The following ITGB3 variants were observed in gnomAD, a reference collection of about 807,000 sequenced individuals.
ITGB3 encodes the protein integrin beta-3.
A neutral mutation model predicts 85.8 loss-of-function variants in ITGB3; 48 were observed. That is an observed-to-expected ratio of 0.56 (90% CI 0.44 to 0.71). The LOEUF (loss-of-function observed/expected upper bound fraction) is 0.71, where lower values mean the gene tolerates loss of function less well. ITGB3 is among the 30% of genes least tolerant of loss of function. The probability of loss-of-function intolerance (pLI) is 0.00; values close to 1 mark genes in which losing one functional copy is unlikely to be tolerated. For missense variants in ITGB3, 861 were observed against 1,019.1 expected, an observed-to-expected ratio of 0.84 and a Z score of 2.11; for synonymous variants, 363 against 395.6, an observed-to-expected ratio of 0.92 and a Z score of 0.98.
At chr17:47,292,605 A>G in intron 10 of ITGB3, 37 bp downstream of exon 10, 1 of 1,595,252 alleles carries the variant, frequency 6.3e-7, no homozygotes, top group East Asian at 2.2e-5. Context: ...CCTGGAACCC[A>G]CACCCCCTCA....
chr17:47,289,824 G>T (rs372426664), intron 7 of ITGB3, 48 bp downstream of exon 7: 319 of 1,304,322 alleles, frequency 2.4e-4, no homozygotes, highest in Non-Finnish European at 3.4e-4. Flanking sequence ...GATGGTGGGT[G>T]CCCCAGGTAG....
In ITGB3 at chr17:47,284,980, C is replaced by T. The variant is rs77403156; in HGVS notation, c.614+285C>T. The stretch of plus-strand genomic sequence containing the variant: ...GCAAGAGAGAATGGGAGGGAAATGA[C>T]GTCAAAAGTAGAAAGAAATTTATGG... On this transcript the variant is annotated intron_variant, in intron 4 of 14. Transcript: ENST00000559488. Among the ~76,000 whole-genome samples, 6,824 of 152,076 alleles carry T rather than the reference C, an allele frequency of 0.045. 207 individuals carry two copies. Among genetic ancestry groups the T allele is most frequent in the Middle Eastern group, 0.16 (46 of 294 alleles).
At chr17:47,306,159 T>A (rs951556458) in intron 13 of ITGB3, among the ~76,000 whole-genome samples, 9 of 151,240 alleles carry the variant, frequency 6.0e-5, no homozygotes, top group African/African-American at 2.2e-4. Context: ...GAAGGGAGAG[T>A]GGTGGGGATT....
chr17:47,301,154 A>G (rs1487267919), intron 12 of ITGB3, among the ~76,000 whole-genome samples: 1 of 152,164 alleles, frequency 6.6e-6, no homozygotes, highest in Non-Finnish European at 1.5e-5. Context: ...GAGAAAAAAA[A>G]TCTTGCCTGC....
chr17:47,274,519 C>T lies in ITGB3; in HGVS notation c.165+15C>T. The T allele has an allele frequency of 6.2e-7, 1 of 1,609,618 alleles. No individual in the cohort carries two copies. Among genetic ancestry groups the T allele is most frequent in the Non-Finnish European group, 8.5e-7 (1 of 1,176,316 alleles). ...GCTCTGATGAGGTAAGGAGCAGATA[C>T]CAGACCTTGTTTCTTCTCCAGACTA... On this transcript the variant is annotated intron_variant, in intron 2 of 14. Transcript: ENST00000559488.
chr17:47,302,432 G>T (rs1009758894), intron 12 of ITGB3, among the ~76,000 whole-genome samples: 1 of 152,176 alleles, frequency 6.6e-6, no homozygotes, highest in Non-Finnish European at 1.5e-5. Context: ...ACAACGGGTA[G>T]GTAGTGAAGC....
intron 14 of ITGB3, among the ~76,000 whole-genome samples, chr17:47,308,184 T>TAATAATAATAATAATAATAA (rs151170176): frequency 5.7e-4 from 84 of 148,656 alleles, no homozygotes; most frequent in African/African-American, 2.0e-3. Flanking sequence ...ATAATAATAA[T>TAATAATAATAATAATAATAA]AATAAAATAA....
At chr17:47,305,084 G>A (rs1472409670) in intron 13 of ITGB3, among the ~76,000 whole-genome samples, 1 of 152,168 alleles carries the variant, frequency 6.6e-6, no homozygotes, top group Non-Finnish European at 1.5e-5. Flanking sequence ...ATGGTTAACA[G>A]ATTGTTTTCC....
chr17:47,282,829 A>G (rs1465784331), intron 2 of ITGB3, among the ~76,000 whole-genome samples: 1 of 152,244 alleles, frequency 6.6e-6, no homozygotes. Flanking sequence ...CCAACAATAT[A>G]AGAATTTCAC....
rs780569847 is a variant in ITGB3, at chr17:47,284,595, A to G, written c.514A>G (p.Thr172Ala). 7.4e-6 allele frequency: 12 copies of G among 1,613,658 alleles called. No individual in the cohort carries two copies. The highest frequency in any genetic ancestry group is 1.0e-5 in the Non-Finnish European group (12 of 1,179,600). Residue 172 changes from threonine to alanine, a missense_variant, in exon 4 of 15, where the codon ACC becomes GCC. Coordinates refer to ENST00000559488, the MANE Select transcript of ITGB3 (RefSeq NM_000212.3). ...GCTGGCCACCCAGATGCGAAAGCTC[A>G]CCAGTAACCTGCGGATTGGCTTCGG... ...TKLATQMRKL[T>A]SNLRIGFGAF...
At chr17:47,301,146 G>C (rs569586535) in intron 12 of ITGB3, among the ~76,000 whole-genome samples, 16 of 152,008 alleles carry the variant, frequency 1.1e-4, no homozygotes, top group Admixed American at 3.3e-4. Flanking sequence ...ACAATAGGGA[G>C]AAAAAAAATC....
Position 47,283,569 on chromosome 17 carries a change from C to A in ITGB3, c.361+20C>A, listed in dbSNP as rs375144715. ...GGCCAGGTAGGGCTGGGACTCTTTGCGGGGAGAGACCTGAAGCAGGTGGGC... is the reference window on the plus strand; with the variant it reads ...GGCCAGGTAGGGCTGGGACTCTTTGAGGGGAGAGACCTGAAGCAGGTGGGC... On this transcript the variant is annotated intron_variant, in intron 3 of 14. Coordinates refer to ENST00000559488, the MANE Select transcript of ITGB3 (RefSeq NM_000212.3). 1.2e-6 allele frequency: 2 copies of A among 1,612,302 alleles called. No individual in the cohort carries two copies. The highest frequency in any genetic ancestry group is 1.7e-6 in the Non-Finnish European group (2 of 1,178,618).
At chr17:47,295,794 G>C (rs950834212) in intron 10 of ITGB3, among the ~76,000 whole-genome samples, 1 of 152,100 alleles carries the variant, frequency 6.6e-6, no homozygotes, top group Admixed American at 6.5e-5. Context: ...GGGCAGCTCT[G>C]CTGGCTGGCG....
intron 13 of ITGB3, among the ~76,000 whole-genome samples, chr17:47,307,269 C>G (rs898557132): frequency 2.0e-5 from 3 of 152,182 alleles, no homozygotes; most frequent in Admixed American, 1.3e-4. Flanking sequence ...TAGGGGTTAC[C>G]AGGTCTAGAC....
chr17:47,284,619 G>A lies in ITGB3; in HGVS notation c.538G>A (p.Gly180Arg), dbSNP rs569479486. 4.3e-6 allele frequency: 7 copies of A among 1,613,996 alleles called. No individual in the cohort carries two copies. The highest frequency in any genetic ancestry group is 1.1e-5 in the South Asian group (1 of 91,046). Residue 180 changes from glycine to arginine, a missense_variant, in exon 4 of 15, where the codon GGG (glycine) becomes AGG (arginine). Physicochemically the swap from Gly to Arg is moderately radical, Grantham distance 125. Transcript: ENST00000559488. ...CACCAGTAACCTGCGGATTGGCTTC[G>A]GGGCATTTGTGGACAAGCCTGTGTC... ...KLTSNLRIGF[G>R]AFVDKPVSPY...
chr17:47,308,946 TCCCTCCCCTC>T (rs1333716917), intron 14 of ITGB3, among the ~76,000 whole-genome samples: 1 of 138,740 alleles, frequency 7.2e-6, no homozygotes, highest in Non-Finnish European at 1.6e-5. Context: ...CCTCTCCCAT[TCCCTCCCCTC>T]CCCTCCCCTC....
chr17:47,285,613 T>TC (rs1298817388), intron 4 of ITGB3, among the ~76,000 whole-genome samples: 4 of 151,858 alleles, frequency 2.6e-5, no homozygotes, highest in Non-Finnish European at 4.4e-5. Flanking sequence ...CACAACTGTC[T>TC]CTAAAAAAAA....
intron 1 of ITGB3, among the ~76,000 whole-genome samples, chr17:47,262,964 G>A (rs999769628): frequency 6.6e-6 from 1 of 152,176 alleles, no homozygotes; most frequent in South Asian, 2.1e-4. Flanking sequence ...GTGCTTGGCC[G>A]ATGTGGCTGG....
chr17:47,259,859 A>G (rs932812511), intron 1 of ITGB3, among the ~76,000 whole-genome samples: 37 of 152,220 alleles, frequency 2.4e-4, no homozygotes, highest in African/African-American at 8.7e-4. Context: ...AGATTGTGCC[A>G]TTGCACTCCA....
Sources: allele counts gnomAD v4.1 joint callset (sites outside exome capture counted in the v4.1 genomes callset), GRCh38; gene constraint gnomAD v4.1.1; transcripts MANE v1.5; gene names NCBI Gene and HGNC (gene_info 2026-07-23, HGNC 2026-07-21).